NAALADL2: variants seen among roughly 807,000 people sequenced by gnomAD.
NAALADL2 encodes N-acetylated alpha-linked acidic dipeptidase like 2.
In NAALADL2, 76 loss-of-function variants were observed where a neutral mutation model predicts 87.2. The ratio of observed to expected loss-of-function variants is 0.87; its 90% CI spans 0.72 to 1.05. NAALADL2 has a LOEUF of 1.05. Among genes scored for constraint, NAALADL2 ranks in the 50% least tolerant of loss-of-function variants. The pLI is 0.00. For synonymous variants in NAALADL2, 354 were observed against 331.0 expected, an observed-to-expected ratio of 1.07 and a Z score of -0.75; for missense variants, 1,089 against 945.8, an observed-to-expected ratio of 1.15 and a Z score of -1.99.
intron 1 of NAALADL2, among the ~76,000 whole-genome samples, chr3:174,916,393 A>G (rs1032013334): frequency 2.6e-5 from 4 of 152,126 alleles, no homozygotes; most frequent in African/African-American, 9.6e-5. Flanking sequence ...ATAAGTCACT[A>G]TATGAAAAAG....
chr3:175,415,328 G>A (rs2149103637), intron 5 of NAALADL2, among the ~76,000 whole-genome samples: 1 of 152,224 alleles, frequency 6.6e-6, no homozygotes, highest in South Asian at 2.1e-4. Flanking sequence ...TTCCATGTAT[G>A]TTATATGATG....
chr3:175,214,656 T>G (rs1232084689), intron 2 of NAALADL2, among the ~76,000 whole-genome samples: 1 of 152,200 alleles, frequency 6.6e-6, no homozygotes, highest in Non-Finnish European at 1.5e-5. Flanking sequence ...ATTATTGTGC[T>G]GTTAGAACAA....
intron 1 of NAALADL2, among the ~76,000 whole-genome samples, chr3:175,077,104 T>G: frequency 6.6e-6 from 1 of 152,238 alleles, no homozygotes; most frequent in East Asian, 1.9e-4. Flanking sequence ...AAATGGCAGA[T>G]GTACTGTGAA....
At chr3:175,671,155 G>C (rs1053268525) in intron 11 of NAALADL2, among the ~76,000 whole-genome samples, 2 of 150,864 alleles carry the variant, frequency 1.3e-5, no homozygotes, top group Non-Finnish European at 3.0e-5. Flanking sequence ...TTGTGAATTT[G>C]AACATTTTTC....
chr3:174,654,925 C>T (rs1039173981), intron 2 of NAALADL2, among the ~76,000 whole-genome samples: 4 of 152,000 alleles, frequency 2.6e-5, no homozygotes, highest in Admixed American at 1.3e-4. Flanking sequence ...TTAGTAGAGA[C>T]GGGGTTTCAC....
Position 174,646,415 on chromosome 3 carries a change from A to G in NAALADL2, c.-114-91226A>G, listed in dbSNP as rs777087512. 5.9e-5 allele frequency among the ~76,000 whole-genome samples: 9 copies of G among 152,302 alleles called. No individual in the cohort carries two copies. The South Asian group carries it at 6.2e-4, about 11-fold the overall frequency. Reference sequence around the variant, plus strand: ...TCTAGTTTGGCTGAAGGAATGCATGAAAACACTAAGTGATACTTTAAAAGC... The same window carrying G: ...TCTAGTTTGGCTGAAGGAATGCATGGAAACACTAAGTGATACTTTAAAAGC... On this transcript the variant is annotated intron_variant, in intron 2 of 3. Coordinates refer to the NAALADL2 transcript ENST00000434257.
At chr3:175,290,169 C>T (rs1393257645) in intron 4 of NAALADL2, among the ~76,000 whole-genome samples, 1 of 152,140 alleles carries the variant, frequency 6.6e-6, no homozygotes, top group Non-Finnish European at 1.5e-5. Flanking sequence ...AGTAAACCTA[C>T]TGTATAACCT....
At chr3:175,629,908 G>A (rs1727523473) in intron 11 of NAALADL2, among the ~76,000 whole-genome samples, 1 of 151,714 alleles carries the variant, frequency 6.6e-6, no homozygotes, top group Non-Finnish European at 1.5e-5. Context: ...TTGTACGTGT[G>A]TTTTAAAATC....
intron 13 of NAALADL2, among the ~76,000 whole-genome samples, chr3:175,777,899 A>G (rs1351902046): frequency 6.6e-6 from 1 of 152,176 alleles, no homozygotes; most frequent in African/African-American, 2.4e-5. Context: ...ATCCTTTAAA[A>G]ATTACAAAGA....
chr3:175,267,817 G>C (rs1352435885), intron 4 of NAALADL2, among the ~76,000 whole-genome samples: 1 of 152,032 alleles, frequency 6.6e-6, no homozygotes, highest in Non-Finnish European at 1.5e-5. Flanking sequence ...CAATTATATG[G>C]GATTTGAGTC....
At chr3:174,923,453 GAAGAA>G (rs989219032) in intron 1 of NAALADL2, among the ~76,000 whole-genome samples, 24 of 151,978 alleles carry the variant, frequency 1.6e-4, no homozygotes, top group African/African-American at 5.3e-4. Flanking sequence ...AATAAAAGTA[GAAGAA>G]AAGAGAGAAA....
chr3:174,542,702 C>G (rs1375506975), intron 1 of NAALADL2, among the ~76,000 whole-genome samples: 1 of 152,156 alleles, frequency 6.6e-6, no homozygotes, highest in East Asian at 1.9e-4. Context: ...TGTCAACATA[C>G]AGATGTTGAC....
chr3:175,585,668 G>A (rs955201752), intron 10 of NAALADL2, among the ~76,000 whole-genome samples: 1 of 151,720 alleles, frequency 6.6e-6, no homozygotes, highest in African/African-American at 2.4e-5. Flanking sequence ...ATGAATTAAG[G>A]GCATTATAGG....
intron 1 of NAALADL2, among the ~76,000 whole-genome samples, chr3:175,009,955 A>G (rs1364139760): frequency 6.6e-6 from 1 of 152,074 alleles, no homozygotes; most frequent in East Asian, 1.9e-4. Flanking sequence ...CGCTGAAGTA[A>G]TTGACTTGCT....
upstream of NAALADL2, among the ~76,000 whole-genome samples, chr3:174,857,144 A>G (rs79523224): frequency 0.014 from 2,072 of 152,308 alleles, 50 homozygotes; most frequent in African/African-American, 0.048. Flanking sequence ...GAATTTCTGC[A>G]TATGAATTCA....
At chr3:174,807,226 A>G (rs973586671) in intron 3 of NAALADL2, among the ~76,000 whole-genome samples, 2 of 152,050 alleles carry the variant, frequency 1.3e-5, no homozygotes, top group African/African-American at 2.4e-5. Context: ...TTCTTCATGA[A>G]TATCATAATA....
chr3:175,347,063 T>G (rs1428921645), intron 5 of NAALADL2, among the ~76,000 whole-genome samples: 1 of 151,356 alleles, frequency 6.6e-6, no homozygotes, highest in Non-Finnish European at 1.5e-5. Flanking sequence ...GTTAAGCAGC[T>G]CATGACTCTC....
intron 1 of NAALADL2, among the ~76,000 whole-genome samples, chr3:175,086,850 T>G (rs1372676265): frequency 6.6e-6 from 1 of 152,188 alleles, no homozygotes; most frequent in Non-Finnish European, 1.5e-5. Context: ...AGATATAGCT[T>G]ATTGCTAGAT....
At chr3:175,465,968 C>A (rs1227705531) in intron 7 of NAALADL2, among the ~76,000 whole-genome samples, 1 of 152,192 alleles carries the variant, frequency 6.6e-6, no homozygotes, top group Non-Finnish European at 1.5e-5. Flanking sequence ...ACAGTAACTC[C>A]TAAAACTCAG....
Sources: gnomAD v4.1 joint callset for allele counts (sites outside exome capture counted in the v4.1 genomes callset) on GRCh38, gnomAD v4.1.1 for gene constraint, MANE v1.5 for transcripts, NCBI Gene and HGNC (gene_info 2026-07-23, HGNC 2026-07-21) for gene names.